The following PDLIM5 variants were observed in gnomAD, a reference collection of about 807,000 sequenced individuals.
PDLIM5 encodes the protein PDZ and LIM domain protein 5.
In PDLIM5, 34 loss-of-function variants were observed where a neutral mutation model predicts 64.2. The observed-to-expected ratio is 0.53, with a 90% CI of 0.40 to 0.71. The LOEUF is 0.71. PDLIM5 is among the 30% of genes least tolerant of loss of function. The pLI is 0.00. For synonymous variants in PDLIM5, 253 were observed against 269.1 expected (o/e 0.94, Z 0.59); for missense variants, 683 against 733.6 (o/e 0.93, Z 0.80).
At chr4:94,516,999 T>C (rs1189752596) in intron 2 of PDLIM5, among the ~76,000 whole-genome samples, 4 of 152,170 alleles carry the variant, frequency 2.6e-5, no homozygotes, top group Non-Finnish European at 5.9e-5. Context: ...TATTATAAGG[T>C]AGATTAATAA....
At chr4:94,617,617 A>C (rs1290026467) in intron 7 of PDLIM5, among the ~76,000 whole-genome samples, 1 of 143,314 alleles carries the variant, frequency 7.0e-6, no homozygotes. Flanking sequence ...GACCAGCCTG[A>C]GGAGCATAGT....
chr4:94,510,335 A>G (rs1280892507), intron 2 of PDLIM5, among the ~76,000 whole-genome samples: 2 of 152,244 alleles, frequency 1.3e-5, no homozygotes, highest in Non-Finnish European at 2.9e-5. Context: ...TATTTGGAAG[A>G]TCTGTGTAAA....
At chr4:94,517,361 T>C (rs1032893195) in intron 2 of PDLIM5, among the ~76,000 whole-genome samples, 26 of 152,208 alleles carry the variant, frequency 1.7e-4, no homozygotes, top group African/African-American at 6.3e-4. Flanking sequence ...TCAACCATAG[T>C]CTTATATGTC....
rs113131420 is a variant in PDLIM5, at chr4:94,657,586, A to G, written c.1585+39A>G. On this transcript the variant is annotated intron_variant, in intron 11 of 12. Coordinates refer to ENST00000317968, the MANE Select transcript of PDLIM5 (RefSeq NM_006457.5). ...GCCATTTGTTTCTTGAATTTTGAAT[A>G]AAGGTAAAACATTAACCCTTATATT... The G allele has an allele frequency of 5.9e-5, 90 of 1,531,556 alleles. No individual in the cohort carries two copies. The African/African-American group carries it at 8.0e-4, about 14-fold the overall frequency. The allele number at this position is 1,531,556 out of a possible 1,614,324, so 94.9% of individuals were successfully genotyped here.
At chr4:94,566,660 A>G (rs1260029078) in intron 3 of PDLIM5, among the ~76,000 whole-genome samples, 3 of 152,202 alleles carry the variant, frequency 2.0e-5, no homozygotes, top group Non-Finnish European at 2.9e-5. Context: ...TATTTGTTCT[A>G]TTCCTCAAAG....
chr4:94,609,501 A>C (rs1738188089), intron 7 of PDLIM5, among the ~76,000 whole-genome samples: 1 of 152,198 alleles, frequency 6.6e-6, no homozygotes, highest in Non-Finnish European at 1.5e-5. Context: ...GAACTAACTG[A>C]AAATAGAAAT....
intron 2 of PDLIM5, among the ~76,000 whole-genome samples, chr4:94,486,378 T>A (rs755684932): frequency 6.6e-6 from 1 of 152,122 alleles, no homozygotes; most frequent in African/African-American, 2.4e-5. Context: ...CATTGAAATA[T>A]TAGACTGTAA....
chr4:94,663,223 G>A (rs1454665474), intron 12 of PDLIM5, among the ~76,000 whole-genome samples: 2 of 152,082 alleles, frequency 1.3e-5, no homozygotes, highest in African/African-American at 2.4e-5. Context: ...TACAAAGGGG[G>A]CAAAAGTAAT....
intron 5 of PDLIM5, 24 bp from the exon 6 acceptor site, chr4:94,585,541 T>A: frequency 7.5e-7 from 1 of 1,331,910 alleles, no homozygotes; most frequent in South Asian, 1.7e-5. Flanking sequence ...CAATTTTTAA[T>A]TTTTTTTTTC....
At chr4:94,642,403 C>A (rs1378402972) in intron 9 of PDLIM5, among the ~76,000 whole-genome samples, 3 of 152,114 alleles carry the variant, frequency 2.0e-5, no homozygotes, top group Non-Finnish European at 4.4e-5. Flanking sequence ...TACATTTCAC[C>A]ACCCCTACCT....
intron 8 of PDLIM5, among the ~76,000 whole-genome samples, chr4:94,619,789 A>AT: frequency 6.6e-6 from 1 of 152,068 alleles, no homozygotes; most frequent in East Asian, 1.9e-4. Context: ...AATTATTATT[A>AT]TTATTTTTTT....
intron 7 of PDLIM5, among the ~76,000 whole-genome samples, chr4:94,614,642 T>A (rs951730121): frequency 6.6e-6 from 1 of 152,198 alleles, no homozygotes; most frequent in Non-Finnish European, 1.5e-5. Context: ...AAAAACTGCC[T>A]TGGTAATAAC....
intron 2 of PDLIM5, among the ~76,000 whole-genome samples, chr4:94,514,213 C>T (rs1223668588): frequency 6.7e-6 from 1 of 149,118 alleles, no homozygotes; most frequent in Non-Finnish European, 1.5e-5. Flanking sequence ...GGGCTCACTG[C>T]AAGCTCTGCC....
chr4:94,487,086 A>G (rs1211604498), intron 2 of PDLIM5, among the ~76,000 whole-genome samples: 2 of 152,214 alleles, frequency 1.3e-5, no homozygotes, highest in Non-Finnish European at 2.9e-5. Flanking sequence ...TGTGACAATG[A>G]TGTCATTGGG....
chr4:94,617,009 C>T (rs966529333), intron 7 of PDLIM5, among the ~76,000 whole-genome samples: 3 of 152,206 alleles, frequency 2.0e-5, no homozygotes. Context: ...GTCTCGAACT[C>T]CTGACCTCAG....
intron 2 of PDLIM5, among the ~76,000 whole-genome samples, chr4:94,481,290 CTTT>C (rs35147211): frequency 4.0e-4 from 52 of 129,584 alleles, no homozygotes; most frequent in Admixed American, 3.9e-4. Context: ...CAGCTTATTC[CTTT>C]TTTTTTTTTT....
At chr4:94,645,204 A>G (rs1741317549) in intron 9 of PDLIM5, among the ~76,000 whole-genome samples, 1 of 152,212 alleles carries the variant, frequency 6.6e-6, no homozygotes, top group Non-Finnish European at 1.5e-5. Context: ...TTCACTTAGA[A>G]TAGTAGTTTC....
chr4:94,483,718 C>A (rs991798069), intron 2 of PDLIM5, among the ~76,000 whole-genome samples: 1 of 152,048 alleles, frequency 6.6e-6, no homozygotes, highest in Non-Finnish European at 1.5e-5. Flanking sequence ...TTATTCCGTT[C>A]GTGATTATTT....
At chr4:94,530,547 A>ATATATATATATATATATAT (rs1730778788) in intron 3 of PDLIM5, among the ~76,000 whole-genome samples, 3 of 131,162 alleles carry the variant, frequency 2.3e-5, no homozygotes, top group Non-Finnish European at 4.9e-5. Context: ...ATATATATAT[A>ATATATATATATATATATAT]GTTTTTCTAC....
Sources: allele counts gnomAD v4.1 joint callset (sites outside exome capture counted in the v4.1 genomes callset), GRCh38; gene constraint gnomAD v4.1.1; transcripts MANE v1.5; gene names NCBI Gene and HGNC (gene_info 2026-07-23, HGNC 2026-07-21).